DENND6A: variants seen among roughly 807,000 people sequenced by gnomAD.
The protein encoded by DENND6A is DENN domain containing 6A, also known as protein DENND6A.
A neutral mutation model predicts 95.5 loss-of-function variants in DENND6A; 43 were observed. That is an observed-to-expected ratio of 0.45 (90% CI 0.35 to 0.58). The LOEUF is 0.58. DENND6A is among the 20% of genes least tolerant of loss of function. The pLI is 0.00. For missense variants in DENND6A, 574 were observed against 736.0 expected (o/e 0.78, Z 2.55); for synonymous variants, 257 against 260.4 (o/e 0.99, Z 0.13).
At position 57,672,406 on chromosome 3, in the gene DENND6A, G is replaced by A. The variant is rs999721204; in HGVS notation, c.270C>T (p.Asp90=). ...GAGCAGTATTTTTACTTACTTCTCT[G>A]TCAGTAAGTTTGGAATGCTGAGGAT... ...VIYPQHSKLT[D]REKTNICYLS... Residue 90 remains aspartate, a synonymous_variant, in exon 2 of 20, where the codon GAC becomes GAT. Transcript: ENST00000311128. The A allele has an allele frequency of 1.2e-6, 2 of 1,612,744 alleles. No homozygotes were observed. Among genetic ancestry groups the A allele is most frequent in the African/African-American group, 2.7e-5 (2 of 74,890 alleles).
rs1433864425 is a variant in DENND6A at position 57,627,816 on chromosome 3, C to G, written c.*398G>C. On this transcript the variant is annotated 3_prime_UTR_variant, in exon 20 of 20. Transcript: ENST00000311128. ...AGTCTTTCTGTTCTTAAGAAGATAGCCAGTGTGAATGTTATTTTTATATCC... is the reference window on the plus strand; with the variant it reads ...AGTCTTTCTGTTCTTAAGAAGATAGGCAGTGTGAATGTTATTTTTATATCC... The G allele has an allele frequency of 1.8e-5, 3 of 164,892 alleles. No individual in the cohort carries two copies. The highest frequency in any genetic ancestry group is 7.2e-5 in the African/African-American group (3 of 41,666). The allele number at this position is 164,892 out of a possible 1,614,324, so 10.2% of individuals were successfully genotyped here. A position where few individuals can be genotyped will look rare whatever the true frequency, so the allele number is the denominator to read the frequency against.
intron 5 of DENND6A, 149 bp downstream of exon 5, chr3:57,663,487 A>AC (rs372910889): frequency 1.1e-5 from 1 of 91,600 alleles, no homozygotes; most frequent in Non-Finnish European, 1.9e-5. Flanking sequence ...AAAAAAAAAA[A>AC]ATATATATAT....
chr3:57,672,760 GT>G (rs1461349630), intron 1 of DENND6A, among the ~76,000 whole-genome samples: 1 of 151,970 alleles, frequency 6.6e-6, no homozygotes, highest in Non-Finnish European at 1.5e-5. Flanking sequence ...TCCAGCCTGG[GT>G]GACAGAGCAA....
chr3:57,692,120 C>T (rs1463015802), intron 1 of DENND6A, among the ~76,000 whole-genome samples: 1 of 149,296 alleles, frequency 6.7e-6, no homozygotes, highest in South Asian at 2.1e-4. Context: ...CCCAGCTACT[C>T]GGGAGGCTGA....
intron 10 of DENND6A, among the ~76,000 whole-genome samples, chr3:57,646,102 C>T (rs956111848): frequency 1.3e-5 from 2 of 152,202 alleles, no homozygotes; most frequent in Non-Finnish European, 2.9e-5. Context: ...ACAACAAAGG[C>T]ATGGTTCCAG....
chr3:57,663,850 C>T (rs544583198), intron 4 of DENND6A, 134 bp from the exon 5 acceptor site: 10 of 435,876 alleles, frequency 2.3e-5, no homozygotes, highest in Admixed American at 4.3e-5. Context: ...GAGATATACA[C>T]GAAGAGCTAG....
Position 57,664,152 on chromosome 3 carries a change from T to C in DENND6A, c.433-436A>G, listed in dbSNP as rs115509369. Among the ~76,000 whole-genome samples, 753 of 152,310 alleles carry C rather than the reference T, an allele frequency of 4.9e-3. 5 individuals are homozygous for C. The highest frequency in any genetic ancestry group is 0.017 in the African/African-American group (715 of 41,558). ...AATGTTTTATTTAGTTTCTACAAAA[T>C]TCTACCTACAATTTTGAGATTGTCA... On this transcript the variant is annotated intron_variant, in intron 4 of 19. Coordinates refer to ENST00000311128, the MANE Select transcript of DENND6A (RefSeq NM_152678.3).
chr3:57,658,223 G>A (rs893215914), intron 8 of DENND6A, among the ~76,000 whole-genome samples: 7 of 149,260 alleles, frequency 4.7e-5, no homozygotes, highest in Non-Finnish European at 7.4e-5. Context: ...GTGACAGAGC[G>A]AGACTCCATC....
chr3:57,684,739 G>A (rs1344834586), intron 1 of DENND6A, among the ~76,000 whole-genome samples: 1 of 152,126 alleles, frequency 6.6e-6, no homozygotes, highest in Non-Finnish European at 1.5e-5. Context: ...ACTGTAGCCT[G>A]GTGACACAGC....
chr3:57,664,027 A>G (rs891153721), intron 4 of DENND6A, among the ~76,000 whole-genome samples: 1 of 59,932 alleles, frequency 1.7e-5, no homozygotes, highest in African/African-American at 3.7e-5. Context: ...TCTAAGTACT[A>G]AAGTCAAATT....
intron 3 of DENND6A, among the ~76,000 whole-genome samples, chr3:57,669,631 C>T (rs2071581768): frequency 1.3e-5 from 2 of 151,672 alleles, no homozygotes; most frequent in Non-Finnish European, 2.9e-5. Context: ...AGGAGAATGG[C>T]GTGAACCCGG....
At chr3:57,646,468 T>TAGCCAA (rs2071082579) in intron 9 of DENND6A, 30 bp from the exon 10 acceptor site, 1 of 1,581,142 alleles carries the variant, frequency 6.3e-7, no homozygotes, top group African/African-American at 1.4e-5. Flanking sequence ...AGAAATACTT[T>TAGCCAA]TTAATGTAGC....
At position 57,692,905 on chromosome 3, in the gene DENND6A, C is replaced by A. The variant is rs745858821; in HGVS notation, c.114G>T (p.Ala38=). 3.9e-6 allele frequency: 6 copies of A among 1,556,996 alleles called. No individual in the cohort carries two copies. The highest frequency in any genetic ancestry group is 2.5e-5 in the East Asian group (1 of 40,504). The change falls in exon 1 of 20, where the codon GCG becomes GCT. Residue 38 remains alanine, a synonymous_variant. Coordinates refer to ENST00000311128, the MANE Select transcript of DENND6A (RefSeq NM_152678.3). Reference sequence around the variant, plus strand: ...CATCGTCCTCTTCATCGTCCTCTGGCGCGCCTCCCGCCGCCACAAGGGCCG... The same window carrying A: ...CATCGTCCTCTTCATCGTCCTCTGGAGCGCCTCCCGCCGCCACAAGGGCCG... ...EAPALVAAGG[A]PEDDEEDDGR... is the part of the protein sequence containing the mutation.
intron 3 of DENND6A, among the ~76,000 whole-genome samples, chr3:57,666,897 A>G (rs1410538239): frequency 3.9e-5 from 6 of 152,240 alleles, no homozygotes; most frequent in Non-Finnish European, 8.8e-5. Flanking sequence ...AAAACTAAAG[A>G]TCTACAAGAT....
intron 1 of DENND6A, among the ~76,000 whole-genome samples, chr3:57,687,929 CAA>C (rs55695630): frequency 1.5e-5 from 2 of 135,896 alleles, no homozygotes; most frequent in Non-Finnish European, 1.6e-5. Context: ...AAGACCACCT[CAA>C]AAAAAAAAAA....
At chr3:57,661,616 T>A in intron 5 of DENND6A, 65 bp from the exon 6 acceptor site, 1 of 1,269,358 alleles carries the variant, frequency 7.9e-7, no homozygotes, top group Non-Finnish European at 1.1e-6. Context: ...CATAATCAAT[T>A]ACTAACAAGC....
intron 1 of DENND6A, among the ~76,000 whole-genome samples, chr3:57,678,722 G>A (rs774102940): frequency 6.6e-6 from 1 of 152,242 alleles, no homozygotes; most frequent in Admixed American, 6.5e-5. Context: ...TGCAAGCCAG[G>A]AAGAGGACCC....
At chr3:57,673,328 A>G (rs1255879720) in intron 1 of DENND6A, among the ~76,000 whole-genome samples, 4 of 152,124 alleles carry the variant, frequency 2.6e-5, no homozygotes, top group African/African-American at 9.7e-5. Context: ...AGAAAGACAA[A>G]TATCACATGT....
rs1027139166 is a variant in DENND6A at position 57,654,744 on chromosome 3, C to T, written c.818+2936G>A. The T allele has an allele frequency of 7.8e-5, 77 of 985,108 alleles. 1 individual carries two copies. The highest frequency in any genetic ancestry group is 9.2e-5 in the Non-Finnish European group (76 of 829,824). 61.0% of individuals were successfully genotyped at this position (985,108 alleles called of 1,614,324 possible). On this transcript the variant is annotated intron_variant, in intron 9 of 19. Transcript: ENST00000311128. ...ATAGACCTTGACCTAGTGAAAGGAG[C>T]GCCTACACTCAACTGTATCTCTGCT...
Sources: gnomAD v4.1 joint callset for allele counts (sites outside exome capture counted in the v4.1 genomes callset) on GRCh38, gnomAD v4.1.1 for gene constraint, MANE v1.5 for transcripts, NCBI Gene and HGNC (gene_info 2026-07-23, HGNC 2026-07-21) for gene names.